The following KLHL2 variants were observed in gnomAD, a reference collection of about 807,000 sequenced individuals.
The protein encoded by KLHL2 is kelch-like protein 2.
KLHL2 carries 15 observed loss-of-function variants against 75.8 expected under a neutral mutation model. The ratio of observed to expected loss-of-function variants is 0.20; its 90% CI spans 0.13 to 0.30. The LOEUF is 0.30. KLHL2 is among the 10% of genes least tolerant of loss of function. The pLI is 1.00. For synonymous variants in KLHL2, 214 were observed against 251.9 expected (o/e 0.85, Z 1.42); for missense variants, 381 against 741.0 (o/e 0.51, Z 5.64).
At chr4:165,220,734 A>G (rs1737918030) in intron 2 of KLHL2, among the ~76,000 whole-genome samples, 1 of 152,240 alleles carries the variant, frequency 6.6e-6, no homozygotes, top group Non-Finnish European at 1.5e-5. Flanking sequence ...AGAAACTTTT[A>G]GAGAAAAATG....
chr4:165,283,105 C>T (rs186679005), intron 5 of KLHL2, among the ~76,000 whole-genome samples: 1 of 152,298 alleles, frequency 6.6e-6, no homozygotes, highest in East Asian at 1.9e-4. Flanking sequence ...CAGTTGTCTT[C>T]CACTGGGTCC....
chr4:165,267,905 C>A (rs1268811729), intron 5 of KLHL2, among the ~76,000 whole-genome samples: 3 of 152,126 alleles, frequency 2.0e-5, no homozygotes, highest in Non-Finnish European at 2.9e-5. Context: ...CCTCTTTGTA[C>A]CTCTGTTAGA....
chr4:165,297,808 T>G, intron 7 of KLHL2, 83 bp downstream of exon 7: 2 of 864,844 alleles, frequency 2.3e-6, no homozygotes, highest in Non-Finnish European at 2.0e-6. Context: ...CAAGCAGTGA[T>G]AAGAGCTGTA....
At chr4:165,278,071 A>T in intron 5 of KLHL2, 1 of 1,539,104 alleles carries the variant, frequency 6.5e-7, no homozygotes. Context: ...TACAGAAGAC[A>T]CTAGGGTCAC....
At chr4:165,218,135 C>A (rs1046882166) in intron 1 of KLHL2, among the ~76,000 whole-genome samples, 1 of 152,162 alleles carries the variant, frequency 6.6e-6, no homozygotes, top group African/African-American at 2.4e-5. Flanking sequence ...ATTGTAATAT[C>A]CTGCTAAATA....
chr4:165,299,080 C>T (rs543327256), intron 7 of KLHL2, among the ~76,000 whole-genome samples: 1 of 152,042 alleles, frequency 6.6e-6, no homozygotes, highest in East Asian at 1.9e-4. Context: ...GGATATTTTA[C>T]TTGCCCACTT....
At chr4:165,271,662 CTCTG>C (rs1191756516) in intron 5 of KLHL2, among the ~76,000 whole-genome samples, 11 of 152,168 alleles carry the variant, frequency 7.2e-5, no homozygotes, top group Non-Finnish European at 1.3e-4. Flanking sequence ...TGCCTGATTA[CTCTG>C]TCTGGGACTT....
In KLHL2 at chr4:165,250,408, A is replaced by G. The variant is rs187418999; in HGVS notation, c.381+11509A>G. On this transcript the variant is annotated intron_variant, in intron 4 of 14. Transcript: ENST00000226725. ...GTAAAATCATTTGAATTATACGTAT[A>G]ATGCTGCATATTTACATTAATGTGG... 5.3e-3 allele frequency among the ~76,000 whole-genome samples: 810 copies of G among 152,314 alleles called. 30 individuals are homozygous for G. Among genetic ancestry groups the G allele is most frequent in the Non-Finnish European group, 8.5e-4 (58 of 68,032 alleles).
At chr4:165,257,239 G>A (rs1215943554) in intron 4 of KLHL2, among the ~76,000 whole-genome samples, 2 of 152,198 alleles carry the variant, frequency 1.3e-5, no homozygotes, top group Admixed American at 6.5e-5. Context: ...GACTTGAGCT[G>A]GAAAGGAGGG....
At chr4:165,231,992 A>G (rs572259811) in intron 3 of KLHL2, among the ~76,000 whole-genome samples, 44 of 152,190 alleles carry the variant, frequency 2.9e-4, no homozygotes, top group Non-Finnish European at 5.7e-4. Context: ...TTTAATTTGC[A>G]TTTTTCTAAT....
At chr4:165,267,205 A>G (rs2111261402) in intron 5 of KLHL2, among the ~76,000 whole-genome samples, 1 of 152,282 alleles carries the variant, frequency 6.6e-6, no homozygotes, top group Admixed American at 6.5e-5. Context: ...GCTTAAGGAT[A>G]TTTTGGGCTG....
intron 13 of KLHL2, among the ~76,000 whole-genome samples, chr4:165,315,192 G>A (rs903268085): frequency 3.3e-5 from 5 of 152,110 alleles, no homozygotes; most frequent in Non-Finnish European, 7.4e-5. Context: ...TGTCTTCCTG[G>A]ATTAGGAAAT....
intron 8 of KLHL2, among the ~76,000 whole-genome samples, chr4:165,303,430 A>G (rs993631526): frequency 1.3e-5 from 2 of 148,276 alleles, no homozygotes; most frequent in African/African-American, 4.9e-5. Context: ...TGAAGTTTTG[A>G]ACAGAACCCT....
At chr4:165,224,061 C>T (rs558531388) in intron 2 of KLHL2, 7 of 283,476 alleles carry the variant, frequency 2.5e-5, no homozygotes, top group African/African-American at 1.2e-4. Flanking sequence ...ATTACAGGTG[C>T]GTGCCGTCAC....
intron 4 of KLHL2, among the ~76,000 whole-genome samples, chr4:165,252,368 A>C (rs1301748330): frequency 1.3e-5 from 2 of 151,798 alleles, no homozygotes; most frequent in African/African-American, 4.8e-5. Flanking sequence ...TTGTTAAATT[A>C]TATGTGGTTC....
At chr4:165,244,718 G>C (rs1740112611) in intron 4 of KLHL2, among the ~76,000 whole-genome samples, 3 of 152,122 alleles carry the variant, frequency 2.0e-5, no homozygotes, top group Admixed American at 2.0e-4. Flanking sequence ...TTTGGATCTT[G>C]GCTTTGCTGT....
chr4:165,307,658 C>G (rs1314730074), intron 9 of KLHL2, among the ~76,000 whole-genome samples: 2 of 152,096 alleles, frequency 1.3e-5, no homozygotes, highest in Non-Finnish European at 2.9e-5. Flanking sequence ...AAGAGTGTCT[C>G]TCAAGTTGGA....
At chr4:165,288,265 C>A (rs1259919733) in intron 5 of KLHL2, among the ~76,000 whole-genome samples, 1 of 152,090 alleles carries the variant, frequency 6.6e-6, no homozygotes, top group Non-Finnish European at 1.5e-5. Context: ...GTTCTTTTCC[C>A]ATTGAGTGGT....
chr4:165,294,837 G>C (rs540300116), intron 6 of KLHL2, among the ~76,000 whole-genome samples: 1 of 152,294 alleles, frequency 6.6e-6, no homozygotes, highest in Non-Finnish European at 1.5e-5. Context: ...TAGGAATTAT[G>C]ATGTGAACAT....
Sources: gnomAD v4.1 joint callset for allele counts (sites outside exome capture counted in the v4.1 genomes callset) on GRCh38, gnomAD v4.1.1 for gene constraint, MANE v1.5 for transcripts, NCBI Gene and HGNC (gene_info 2026-07-23, HGNC 2026-07-21) for gene names.